Variants in SMYD3 observed in about 807,000 individuals in gnomAD.
SMYD3 encodes the protein SET and MYND domain containing 3, also known as histone-lysine N-methyltransferase SMYD3.
In SMYD3, 36 loss-of-function variants were observed where a neutral mutation model predicts 57.7. The observed-to-expected ratio is 0.62, with a 90% confidence interval of 0.48 to 0.82. The LOEUF is 0.82. SMYD3 is among the 40% of genes least tolerant of loss of function. The pLI, the probability that SMYD3 is intolerant of heterozygous loss-of-function variation, is 0.00. For missense variants in SMYD3, 515 were observed against 538.8 expected, an observed-to-expected ratio of 0.96 and a Z score of 0.44; for synonymous variants, 211 against 195.0, an observed-to-expected ratio of 1.08 and a Z score of -0.68.
chr1:245,899,271 T>C (rs888348991), intron 8 of SMYD3, among the ~76,000 whole-genome samples: 8 of 152,124 alleles, frequency 5.3e-5, no homozygotes, highest in South Asian at 2.1e-4. Context: ...TTGAGGCAAA[T>C]TGATAGTACA....
At chr1:246,370,674 C>T (rs1291549086) in intron 1 of SMYD3, among the ~76,000 whole-genome samples, 1 of 152,192 alleles carries the variant, frequency 6.6e-6, no homozygotes, top group East Asian at 1.9e-4. Flanking sequence ...TCAAATTGTT[C>T]AGGATAGTTT....
chr1:246,502,059 T>A (rs528155119), intron 1 of SMYD3, among the ~76,000 whole-genome samples: 1 of 152,154 alleles, frequency 6.6e-6, no homozygotes, highest in Admixed American at 6.5e-5. Context: ...CATTCCATCA[T>A]CTCACCAAAC....
chr1:246,156,856 A>G (rs1263259619), intron 5 of SMYD3, among the ~76,000 whole-genome samples: 1 of 152,208 alleles, frequency 6.6e-6, no homozygotes, highest in African/African-American at 2.4e-5. Flanking sequence ...ACAGGTAAAA[A>G]GGTCGAACAA....
At position 246,355,135 on chromosome 1, in the gene SMYD3, G is replaced by T; in HGVS notation, c.165-41C>A. 1 of 1,575,292 alleles carries T rather than the reference G, an allele frequency of 6.3e-7. No homozygotes were observed. The highest frequency in any genetic ancestry group is 8.7e-7 in the Non-Finnish European group (1 of 1,144,952). On this transcript the variant is annotated intron_variant, in intron 1 of 11. Coordinates refer to ENST00000490107, the MANE Select transcript of SMYD3 (RefSeq NM_001167740.2). The surrounding 1 kb of genome is among the most constrained non-coding windows in gnomAD (Gnocchi z 5.0). Reference sequence around the variant, plus strand: ...TTAATTCTGCATTAAGAAATGAGTGGGAAACATAGTACATAGTTGAAGAAA... The same window carrying T: ...TTAATTCTGCATTAAGAAATGAGTGTGAAACATAGTACATAGTTGAAGAAA...
intron 5 of SMYD3, among the ~76,000 whole-genome samples, chr1:245,961,526 A>C (rs1324427042): frequency 2.9e-5 from 1 of 34,042 alleles, no homozygotes; most frequent in African/African-American, 1.2e-4. Context: ...ATTACTCTCC[A>C]AACTGGAGGC....
chr1:245,828,207 G>A (rs1181694188), intron 10 of SMYD3, among the ~76,000 whole-genome samples: 1 of 152,104 alleles, frequency 6.6e-6, no homozygotes, highest in East Asian at 1.9e-4. Flanking sequence ...GACGGGCCAG[G>A]GAAAATGCAA....
At position 246,087,393 on chromosome 1, in the gene SMYD3, G is replaced by A. The variant is rs139317240; in HGVS notation, c.532-157456C>T. ...AGAACCCTGGGTTCTAGCACATTTG[G>A]TACTCATCAGTTAGTCAATATCTGC... On this transcript the variant is annotated intron_variant, in intron 5 of 11. Coordinates refer to ENST00000490107, the MANE Select transcript of SMYD3 (RefSeq NM_001167740.2). Among the ~76,000 whole-genome samples, 72 of 152,164 alleles carry A rather than the reference G, an allele frequency of 4.7e-4. 1 individual carries two copies. Among genetic ancestry groups the A allele is most frequent in the African/African-American group, 1.7e-3 (70 of 41,518 alleles).
chr1:245,805,910 T>C (rs185229102), intron 10 of SMYD3, among the ~76,000 whole-genome samples: 1 of 152,242 alleles, frequency 6.6e-6, no homozygotes, highest in African/African-American at 2.4e-5. Context: ...AAGTTCCTTC[T>C]ACTGCTTCAG....
chr1:246,270,535 C>A (rs2064200675), intron 5 of SMYD3, among the ~76,000 whole-genome samples: 1 of 152,166 alleles, frequency 6.6e-6, no homozygotes, highest in African/African-American at 2.4e-5. Flanking sequence ...AAGATTTTGA[C>A]TCCTCTAAGT....
chr1:245,933,442 TC>T (rs2056835249), intron 5 of SMYD3, among the ~76,000 whole-genome samples: 2 of 152,206 alleles, frequency 1.3e-5, no homozygotes, highest in African/African-American at 2.4e-5. Flanking sequence ...ATATTTACTT[TC>T]TGTAATTTTT....
intron 10 of SMYD3, among the ~76,000 whole-genome samples, chr1:245,804,462 G>A (rs1372014986): frequency 2.0e-5 from 3 of 152,106 alleles, no homozygotes; most frequent in Non-Finnish European, 4.4e-5. Context: ...GGAGGCTGAG[G>A]CAGGAGAATG....
At chr1:246,285,251 AAC>A (rs2064537434) in intron 5 of SMYD3, among the ~76,000 whole-genome samples, 2 of 152,202 alleles carry the variant, frequency 1.3e-5, no homozygotes, top group Admixed American at 6.5e-5. Context: ...CACTTAGAAC[AAC>A]AGTCTCCAGT....
chr1:245,819,076 A>C (rs7554074), intron 10 of SMYD3, among the ~76,000 whole-genome samples: 119,146 of 121,458 alleles, frequency 0.98, 58,493 homozygotes, highest in East Asian at 1. Flanking sequence ...TCCACCCCAA[A>C]TCAACAGAAT....
At chr1:246,399,433 C>T (rs2066731870) in intron 1 of SMYD3, among the ~76,000 whole-genome samples, 1 of 152,174 alleles carries the variant, frequency 6.6e-6, no homozygotes, top group Non-Finnish European at 1.5e-5. Context: ...CTCCCAGGTT[C>T]AAGCAATTCT....
chr1:246,365,283 A>C (rs2066078961), intron 1 of SMYD3, among the ~76,000 whole-genome samples: 1 of 151,786 alleles, frequency 6.6e-6, no homozygotes, highest in South Asian at 2.1e-4. Context: ...GAAGATAAGA[A>C]TAAGACCAGT....
chr1:246,073,497 G>T (rs1027465374), intron 5 of SMYD3, among the ~76,000 whole-genome samples: 2 of 151,952 alleles, frequency 1.3e-5, no homozygotes, highest in African/African-American at 4.8e-5. Context: ...CGGGCAGATC[G>T]CTTGAGCCCA....
intron 2 of SMYD3, among the ~76,000 whole-genome samples, chr1:246,346,879 G>A (rs2065729164): frequency 6.6e-6 from 1 of 152,170 alleles, no homozygotes; most frequent in Non-Finnish European, 1.5e-5. Flanking sequence ...GGAATTATCA[G>A]ACTAGGAATT....
At chr1:246,433,342 T>C (rs956017305) in intron 1 of SMYD3, among the ~76,000 whole-genome samples, 1 of 152,176 alleles carries the variant, frequency 6.6e-6, no homozygotes, top group South Asian at 2.1e-4. Context: ...AAACATTCCA[T>C]GCTCATGAAT....
intron 5 of SMYD3, among the ~76,000 whole-genome samples, chr1:246,192,376 C>T (rs2062752831): frequency 1.3e-5 from 2 of 152,164 alleles, no homozygotes; most frequent in South Asian, 4.1e-4. Context: ...TGGAACCCAG[C>T]AGGGCAGTTG....
Sources: gnomAD v4.1 joint callset for allele counts (sites outside exome capture counted in the v4.1 genomes callset) on GRCh38, gnomAD v4.1.1 for gene constraint, Gnocchi (gnomAD v3.1) non-coding constraint, MANE v1.5 for transcripts, NCBI Gene and HGNC (gene_info 2026-07-23, HGNC 2026-07-21) for gene names.